IPO5: variants seen among roughly 807,000 people sequenced by gnomAD.
IPO5 encodes the protein importin 5, also known as importin-5.
IPO5 carries 18 observed loss-of-function variants against 143.3 expected under a neutral mutation model. That is an observed-to-expected ratio of 0.13 (90% confidence interval 0.09 to 0.19). The LOEUF (loss-of-function observed/expected upper bound fraction) is 0.19. Ranked by LOEUF, IPO5 falls within the 10% of genes least tolerant of loss-of-function variation. The probability of loss-of-function intolerance (pLI) is 1.00; values close to 1 mark genes in which losing one functional copy is unlikely to be tolerated. For synonymous variants in IPO5, 477 were observed against 465.7 expected (o/e 1.02, Z -0.31); for missense variants, 1,013 against 1,336.9 (o/e 0.76, Z 3.78).
chr13:97,983,505 A>G (rs1887031752), intron 5 of IPO5, among the ~76,000 whole-genome samples: 1 of 150,298 alleles, frequency 6.7e-6, no homozygotes, highest in Admixed American at 6.7e-5. Context: ...ATAGTTTCCT[A>G]CTACTGATTG....
chr13:98,000,679 A>G, intron 13 of IPO5, 34 bp downstream of exon 13: 3 of 1,389,404 alleles, frequency 2.2e-6, no homozygotes, highest in Non-Finnish European at 2.1e-6. Context: ...AGAAGAGTGA[A>G]GTTGTGCCCT....
At chr13:98,003,448 A>G (rs1174703215) in intron 16 of IPO5, among the ~76,000 whole-genome samples, 1 of 152,238 alleles carries the variant, frequency 6.6e-6, no homozygotes, top group African/African-American at 2.4e-5. Flanking sequence ...AGGCAAGACC[A>G]TCATACTGTC....
intron 2 of IPO5, among the ~76,000 whole-genome samples, chr13:97,955,175 G>A (rs1004097596): frequency 6.6e-6 from 1 of 151,846 alleles, no homozygotes. Flanking sequence ...ACTGCAGTGA[G>A]CCATGACTGT....
chr13:97,985,300 TAGAA>T (rs1327930480), intron 5 of IPO5, 117 bp from the exon 6 acceptor site: 7 of 729,028 alleles, frequency 9.6e-6, no homozygotes, highest in East Asian at 2.7e-5. Flanking sequence ...CTAATGTAAT[TAGAA>T]AGAGTTATAT....
Position 97,997,548 on chromosome 13 carries a change from A to G in IPO5, c.931A>G (p.Met311Val). The G allele has an allele frequency of 6.2e-7, 1 of 1,606,384 alleles. No homozygotes were observed. Among genetic ancestry groups the G allele is most frequent in the Non-Finnish European group, 8.5e-7 (1 of 1,173,368 alleles). Residue 311 changes from methionine to valine, a missense_variant, in exon 12 of 29, where the codon ATG (methionine) becomes GTG (valine). Physicochemically the swap from Met to Val is conservative, Grantham distance 21. Coordinates refer to ENST00000651721, the MANE Select transcript of IPO5 (RefSeq NM_002271.6). Reference sequence around the variant, plus strand: ...TACTTTAGTTCCTCAGATGTTAGCAATGATGGTTGATTTGGAAGAAGATGA... The same window carrying G: ...TACTTTAGTTCCTCAGATGTTAGCAGTGATGGTTGATTTGGAAGAAGATGA... The part of the protein sequence containing the change: ...VAQTIPQMLA[M>V]MVDLEEDEDW...
At chr13:97,983,965 CTTTTTTTTTTTTTTTTTTTTT>C (rs71117684) in intron 5 of IPO5, among the ~76,000 whole-genome samples, 1 of 45,824 alleles carries the variant, frequency 2.2e-5, no homozygotes, top group Non-Finnish European at 3.9e-5. Flanking sequence ...AGGGTAACTT[CTTTTTTTTTTTTTTTTTTTTT>C]TTTTTTTTTT....
chr13:97,972,870 C>T (rs201781091), intron 3 of IPO5, among the ~76,000 whole-genome samples: 9 of 137,926 alleles, frequency 6.5e-5, no homozygotes, highest in Non-Finnish European at 6.4e-5. Context: ...GGCTTAGCGA[C>T]ATTAAGCACT....
intron 27 of IPO5, chr13:98,020,052 C>A: frequency 6.0e-6 from 2 of 331,156 alleles, no homozygotes; most frequent in Middle Eastern, 9.0e-4. Flanking sequence ...AGATGAGGCA[C>A]TTTAATTATT....
intron 4 of IPO5, among the ~76,000 whole-genome samples, chr13:97,981,801 C>T (rs1027597233): frequency 1.3e-5 from 2 of 152,176 alleles, no homozygotes; most frequent in African/African-American, 4.8e-5. Flanking sequence ...CTGTTCTGAT[C>T]ATCTGTCTTT....
chr13:97,962,559 G>T (rs1403974804), intron 2 of IPO5, among the ~76,000 whole-genome samples: 1 of 152,126 alleles, frequency 6.6e-6, no homozygotes, highest in African/African-American at 2.4e-5. Flanking sequence ...GCTCACACCT[G>T]TAATCCCAGC....
rs1187185605 is a variant in IPO5, at chr13:97,983,546, C to G, written c.171+963C>G. Among the ~76,000 whole-genome samples the G allele has an allele frequency of 6.0e-5, 8 of 132,342 alleles. No individual in the cohort carries two copies. The South Asian group carries it at 2.1e-3, about 35-fold the overall frequency. 86.8% of individuals were successfully genotyped at this position (132,342 alleles called of 152,430 possible). On this transcript the variant is annotated intron_variant, in intron 5 of 28. Coordinates refer to ENST00000651721, the MANE Select transcript of IPO5 (RefSeq NM_002271.6). Reference sequence around the variant, plus strand: ...TTTTGTAGCTAATTCCACCCCCCCCCCCCACCGTCCCCCCGATTATAAGTT... The same window carrying G: ...TTTTGTAGCTAATTCCACCCCCCCCGCCCACCGTCCCCCCGATTATAAGTT...
At chr13:97,974,343 A>C (rs1003934883) in intron 3 of IPO5, among the ~76,000 whole-genome samples, 6 of 145,358 alleles carry the variant, frequency 4.1e-5, no homozygotes, top group Non-Finnish European at 7.5e-5. Flanking sequence ...GTCTTGCTCT[A>C]TCACCCAGGC....
intron 5 of IPO5, among the ~76,000 whole-genome samples, chr13:97,983,946 A>T (rs143644187): frequency 2.0e-4 from 29 of 143,946 alleles, no homozygotes; most frequent in African/African-American, 7.1e-4. Context: ...AATATGAAGA[A>T]CCCTATATAG....
intron 16 of IPO5, among the ~76,000 whole-genome samples, chr13:98,005,381 ATTTAT>A (rs2139791215): frequency 8.0e-6 from 1 of 125,614 alleles, no homozygotes; most frequent in African/African-American, 3.3e-5. Flanking sequence ...TTATTTATTT[ATTTAT>A]TTATTTATTT....
chr13:97,985,920 C>T (rs1378922798), intron 6 of IPO5, among the ~76,000 whole-genome samples: 1 of 151,984 alleles, frequency 6.6e-6, no homozygotes, highest in Non-Finnish European at 1.5e-5. Context: ...TCTAGCAGTT[C>T]AGGACGAACC....
At chr13:97,995,856 A>G (rs1002682222) in intron 11 of IPO5, among the ~76,000 whole-genome samples, 2 of 152,218 alleles carry the variant, frequency 1.3e-5, no homozygotes, top group Non-Finnish European at 2.9e-5. Flanking sequence ...TAAATATTAC[A>G]GATATATTTT....
intron 3 of IPO5, among the ~76,000 whole-genome samples, chr13:97,971,560 A>G (rs1313025064): frequency 1.3e-5 from 2 of 152,214 alleles, no homozygotes; most frequent in Non-Finnish European, 2.9e-5. Flanking sequence ...TTCACTCTGC[A>G]CAATTGGGAG....
At chr13:97,989,598 A>T (rs906913489) in intron 7 of IPO5, among the ~76,000 whole-genome samples, 2 of 152,202 alleles carry the variant, frequency 1.3e-5, no homozygotes, top group African/African-American at 4.8e-5. Flanking sequence ...CTGTATATTT[A>T]TAACCAAATA....
At chr13:97,995,508 CA>C (rs1336135515) in intron 11 of IPO5, among the ~76,000 whole-genome samples, 6 of 152,198 alleles carry the variant, frequency 3.9e-5, no homozygotes, top group Non-Finnish European at 7.4e-5. Context: ...GCAATCTCAG[CA>C]CTTTGGGAGG....
Sources: gnomAD v4.1 joint callset for allele counts (sites outside exome capture counted in the v4.1 genomes callset) on GRCh38, gnomAD v4.1.1 for gene constraint, MANE v1.5 for transcripts, NCBI Gene and HGNC (gene_info 2026-07-23, HGNC 2026-07-21) for gene names.